The following KDM6A variants were observed in gnomAD, a reference collection of about 807,000 sequenced individuals.
The protein encoded by KDM6A is lysine-specific demethylase 6A.
In KDM6A, 11 loss-of-function variants were observed where a neutral mutation model predicts 117.6. The ratio of observed to expected loss-of-function variants is 0.09; its 90% CI spans 0.06 to 0.15. KDM6A has a LOEUF of 0.15. KDM6A is among the 10% of genes least tolerant of loss of function. The probability of loss-of-function intolerance (pLI) is 1.00; values close to 1 mark genes in which losing one functional copy is unlikely to be tolerated. For missense variants in KDM6A, 799 were observed against 1,077.3 expected, an observed-to-expected ratio of 0.74 and a Z score of 3.62; for synonymous variants, 384 against 396.1, an observed-to-expected ratio of 0.97 and a Z score of 0.36.
intron 2 of KDM6A, among the ~76,000 whole-genome samples, chrX:44,918,599 TAGG>T (rs1336981358): frequency 1.8e-5 from 2 of 111,807 alleles, no homozygotes; most frequent in Non-Finnish European, 3.8e-5. Context: ...GTGAAAATTC[TAGG>T]AGAATACATG....
rs1440221512 is a variant in KDM6A, at chrX:45,020,716, G to A, written c.550G>A (p.Glu184Lys). Residue 184 changes from glutamate to lysine, a missense_variant, in exon 6 of 30, where the codon GAG (glutamate) becomes AAG (lysine). Transcript: ENST00000611820. Reference sequence around the variant, plus strand: ...TATGTTCAAAGTGAACACAGACTATGAGTCTAGTTTAAAGGTAGGTTGTTG... The same window carrying A: ...TATGTTCAAAGTGAACACAGACTATAAGTCTAGTTTAAAGGTAGGTTGTTG... ...GLMFKVNTDY[E>K]SSLKHFQLAL... is the part of the protein sequence containing the mutation. 8.3e-7 allele frequency: 1 copy of A among 1,209,448 alleles called. No homozygotes were observed. Among genetic ancestry groups the A allele is most frequent in the South Asian group, 1.8e-5 (1 of 56,910 alleles).
In KDM6A at chrX:44,873,365, C is replaced by CTGCCGA. The variant is rs2031017904; in HGVS notation, c.-187_-186insTGCCGA. 1 of 595,987 alleles carries CTGCCGA rather than the reference C, an allele frequency of 1.7e-6. No individual in the cohort carries two copies. The highest frequency in any genetic ancestry group is 2.5e-6 in the Non-Finnish European group (1 of 399,883). 49.1% of individuals were successfully genotyped at this position (595,987 alleles called of 1,213,427 possible). ...CGCTGCCGACCCGGGGGCTCCGCAGCCCCTGCCGCCGCCGCCGCCGCCTTC... is the reference window on the plus strand; with the variant it reads ...CGCTGCCGACCCGGGGGCTCCGCAGCTGCCGACCCTGCCGCCGCCGCCGCCGCCTTC... On this transcript the variant is annotated 5_prime_UTR_variant, in exon 1 of 30. Transcript: ENST00000611820.
At chrX:45,082,912 T>C (rs1449232635) in intron 23 of KDM6A, 123 bp downstream of exon 23, 2 of 516,960 alleles carry the variant, frequency 3.9e-6, no homozygotes, top group Non-Finnish European at 6.4e-6. Context: ...TTGACATGAA[T>C]TTAAGCTAAA....
At chrX:45,048,021 G>A (rs1322742870) in intron 8 of KDM6A, among the ~76,000 whole-genome samples, 2 of 108,125 alleles carry the variant, frequency 1.8e-5, no homozygotes, top group African/African-American at 3.4e-5. Context: ...GATTAGCCAA[G>A]TGTGATGGCG....
In KDM6A at chrX:45,112,283, T is replaced by A. The variant is rs2148318010; in HGVS notation, c.*872T>A. 1 of 139,137 alleles carries A rather than the reference T, an allele frequency of 7.2e-6. No homozygotes were observed. Among genetic ancestry groups the A allele is most frequent in the South Asian group, 3.5e-4 (1 of 2,885 alleles). 11.5% of individuals were successfully genotyped at this position (139,137 alleles called of 1,213,427 possible). Reference sequence around the variant, plus strand: ...CTATTGTTTGAGTTTTAAAAAAGACTTTATGTACAGTGCCCAGTTTTTGTT... The same window carrying A: ...CTATTGTTTGAGTTTTAAAAAAGACATTATGTACAGTGCCCAGTTTTTGTT... On this transcript the variant is annotated 3_prime_UTR_variant, in exon 30 of 30. Coordinates refer to ENST00000611820, the MANE Select transcript of KDM6A (RefSeq NM_001291415.2).
Position 45,107,524 on chromosome X carries a change from T to C in KDM6A, c.4149T>C (p.Cys1383=), listed in dbSNP as rs2148289919. The change falls in exon 28 of 30, where the codon TGT becomes TGC. Residue 1383 remains cysteine (C), a synonymous_variant. Coordinates refer to ENST00000611820, the MANE Select transcript of KDM6A (RefSeq NM_001291415.2). ...CAAAAGAAGAACCAGCTCATTACTG[T>C]AGCATTTGTGAAGTAAGTAATTGTT... The part of the protein sequence containing the change: ...GRTKEEPAHY[C]SICEVEVFDL... The C allele has an allele frequency of 8.3e-7, 1 of 1,207,604 alleles. No homozygotes were observed. Among genetic ancestry groups the C allele is most frequent in the Non-Finnish European group, 1.1e-6 (1 of 894,021 alleles).
At chrX:45,076,268 A>G (rs1245976597) in intron 18 of KDM6A, among the ~76,000 whole-genome samples, 2 of 111,583 alleles carry the variant, frequency 1.8e-5, no homozygotes, top group Non-Finnish European at 3.8e-5. Flanking sequence ...TATTCTGATT[A>G]TAATTGCTAA....
In KDM6A at chrX:44,954,808, G is replaced by A. The variant is rs186899496; in HGVS notation, c.226-6476G>A. Among the ~76,000 whole-genome samples, 12 of 111,306 alleles carry A rather than the reference G, an allele frequency of 1.1e-4. No individual in the cohort carries two copies. The East Asian group carries it at 3.4e-3, about 32-fold the overall frequency. Reference sequence around the variant, plus strand: ...GGAAGAGTGGGTTTTGTTTGTTTAGGGTATGAGTTGGGCTGTAGAAACAGA... The same window carrying A: ...GGAAGAGTGGGTTTTGTTTGTTTAGAGTATGAGTTGGGCTGTAGAAACAGA... On this transcript the variant is annotated intron_variant, in intron 2 of 29. Coordinates refer to ENST00000611820, the MANE Select transcript of KDM6A (RefSeq NM_001291415.2).
chrX:45,055,130 T>C (rs956118510), intron 10 of KDM6A, among the ~76,000 whole-genome samples: 3 of 111,487 alleles, frequency 2.7e-5, no homozygotes, highest in Non-Finnish European at 5.7e-5. Context: ...TATCCTGTTT[T>C]AATTTTAAGT....
chrX:44,986,419 G>T (rs1445307161), intron 4 of KDM6A, among the ~76,000 whole-genome samples: 1 of 111,016 alleles, frequency 9.0e-6, no homozygotes, highest in Non-Finnish European at 1.9e-5. Flanking sequence ...CTTCAGTTCT[G>T]CTCTGATCTT....
intron 27 of KDM6A, among the ~76,000 whole-genome samples, chrX:45,099,563 C>T (rs2046252470): frequency 9.0e-6 from 1 of 111,587 alleles, no homozygotes; most frequent in African/African-American, 3.3e-5. Context: ...CCAGTATAAA[C>T]TATGTCAGAG....
At chrX:45,037,099 G>A (rs1465239295) in intron 7 of KDM6A, among the ~76,000 whole-genome samples, 2 of 112,503 alleles carry the variant, frequency 1.8e-5, no homozygotes, top group Non-Finnish European at 3.8e-5. Flanking sequence ...AATGCCTGAT[G>A]TCACAACAAA....
At chrX:44,896,625 T>G (rs1167328646) in intron 2 of KDM6A, among the ~76,000 whole-genome samples, 1 of 2,442 alleles carries the variant, frequency 4.1e-4, no homozygotes, top group East Asian at 0.11. Flanking sequence ...ATCATTTCCT[T>G]TTTTTTTTTT....
At chrX:45,071,727 C>T (rs1296126800) in intron 18 of KDM6A, among the ~76,000 whole-genome samples, 1 of 61,625 alleles carries the variant, frequency 1.6e-5, no homozygotes, top group Non-Finnish European at 3.5e-5. Context: ...ACCTTTTGGT[C>T]TGTGTTTTCT....
At chrX:45,031,399 A>G (rs943939830) in intron 6 of KDM6A, among the ~76,000 whole-genome samples, 6 of 112,571 alleles carry the variant, frequency 5.3e-5, no homozygotes, top group African/African-American at 1.9e-4. Flanking sequence ...TTAATTGGAT[A>G]TAGACAGCAG....
chrX:45,022,870 TAAGGTTTCATC>T (rs1285187793), intron 6 of KDM6A, among the ~76,000 whole-genome samples: 1 of 112,068 alleles, frequency 8.9e-6, no homozygotes, highest in East Asian at 2.8e-4. Context: ...TCAGCTGATC[TAAGGTTTCATC>T]AAGGATTCAT....
chrX:44,883,575 T>G (rs1317766141), intron 2 of KDM6A, among the ~76,000 whole-genome samples: 1 of 109,840 alleles, frequency 9.1e-6, no homozygotes, highest in African/African-American at 3.3e-5. Flanking sequence ...GGTTTCACCA[T>G]GTTGGCCAGG....
chrX:44,925,243 C>G (rs1017576260), intron 2 of KDM6A, among the ~76,000 whole-genome samples: 1 of 111,107 alleles, frequency 9.0e-6, no homozygotes, highest in Non-Finnish European at 1.9e-5. Flanking sequence ...TTGGCGTACC[C>G]AGATTCCCAG....
chrX:44,885,451 A>G (rs1602051994), intron 2 of KDM6A, among the ~76,000 whole-genome samples: 2 of 111,454 alleles, frequency 1.8e-5, no homozygotes, highest in East Asian at 2.8e-4. Context: ...ATACTTGCAC[A>G]TAGTACAAAA....
Sources: gnomAD v4.1 joint callset for allele counts (sites outside exome capture counted in the v4.1 genomes callset) on GRCh38, gnomAD v4.1.1 for gene constraint, MANE v1.5 for transcripts, NCBI Gene and HGNC (gene_info 2026-07-23, HGNC 2026-07-21) for gene names.